Variants in LMTK2 observed in about 807,000 individuals in gnomAD.
The protein encoded by LMTK2 is serine/threonine-protein kinase LMTK2.
In LMTK2, 37 loss-of-function variants were observed where a neutral mutation model predicts 127.5. The ratio of observed to expected loss-of-function variants is 0.29; its 90% confidence interval spans 0.22 to 0.38. LMTK2 has a LOEUF of 0.38. Among genes scored for constraint, LMTK2 ranks in the 10% least tolerant of loss-of-function variants. The probability of loss-of-function intolerance (pLI) is 1.00; values close to 1 mark genes in which losing one functional copy is unlikely to be tolerated. For missense variants in LMTK2, 1,694 were observed against 1,920.3 expected (o/e 0.88, Z 2.20); for synonymous variants, 819 against 810.1 (o/e 1.01, Z -0.19).
chr7:98,136,674 A>G (rs974008244), intron 1 of LMTK2, among the ~76,000 whole-genome samples: 7 of 152,240 alleles, frequency 4.6e-5, no homozygotes, highest in African/African-American at 1.4e-4. Context: ...CTCACCAGGC[A>G]TAGGTCATGC....
At position 98,192,054 on chromosome 7, in the gene LMTK2, C is replaced by T; in HGVS notation, c.1589C>T (p.Pro530Leu). The T allele has an allele frequency of 6.3e-7, 1 of 1,597,586 alleles. No individual in the cohort carries two copies. The highest frequency in any genetic ancestry group is 8.5e-7 in the Non-Finnish European group (1 of 1,169,814). ...CAAGATGACAGCGGCCAGGATGTCC[C>T]CCTGAGGGTCCCTGGAGTGGTTCCT... is the stretch of plus-strand genomic sequence containing the variant. ...GKQDDSGQDVPLRVPGVVPVF... is the reference protein window; with the variant it reads ...GKQDDSGQDVLLRVPGVVPVF... The change falls in exon 11 of 14, where the codon CCC becomes CTC. Residue 530 changes from proline to leucine, a missense_variant. Physicochemically the swap from Pro to Leu is moderately conservative, Grantham distance 98. Transcript: ENST00000297293.
intron 11 of LMTK2, among the ~76,000 whole-genome samples, chr7:98,198,805 T>C (rs530682315): frequency 1.8e-4 from 28 of 152,338 alleles, no homozygotes; most frequent in Admixed American, 3.9e-4. Context: ...AATTTAATGC[T>C]ATAAATTTCC....
chr7:98,107,476 T>C lies in LMTK2; in HGVS notation c.103+196T>C, dbSNP rs1265601349. ...GGGGGCGGGAGCGAGGCGACGTCGT[T>C]GGGGCTGGGGAGGGCGGCGGGCGAG... is the stretch of plus-strand genomic sequence containing the variant. On this transcript the variant is annotated intron_variant, in intron 1 of 13. Coordinates refer to ENST00000297293, the MANE Select transcript of LMTK2 (RefSeq NM_014916.4). Among the ~76,000 whole-genome samples the C allele has an allele frequency of 3.9e-4, 4 of 10,384 alleles. No homozygotes were observed. The East Asian group carries it at 6.6e-3, about 17-fold the overall frequency. 6.8% of individuals were successfully genotyped at this position (10,384 alleles called of 152,430 possible).
chr7:98,154,732 C>A, intron 4 of LMTK2, 26 bp from the exon 5 acceptor site: 2 of 1,425,122 alleles, frequency 1.4e-6, no homozygotes, highest in Non-Finnish European at 2.0e-6. Context: ...ATGGAAATGA[C>A]ACAAAAAACT....
intron 3 of LMTK2, among the ~76,000 whole-genome samples, chr7:98,146,046 T>G (rs75871606): frequency 0.012 from 1,849 of 152,304 alleles, 42 homozygotes; most frequent in African/African-American, 0.042. Context: ...TTGTCTCACT[T>G]AACAGTGTTT....
rs777230084 is a variant in LMTK2 at position 98,194,544 on chromosome 7, A to G, written c.4079A>G (p.Asp1360Gly). Residue 1360 changes from aspartate to glycine, a missense_variant, in exon 11 of 14, where the codon GAT becomes GGT. This residue lies in a region of LMTK2 where 554 missense variants were observed against 567.7 expected (regional missense o/e 0.98). Transcript: ENST00000297293. The surrounding 1 kb of genome is among the most constrained non-coding windows in gnomAD (Gnocchi z 5.4). ...KKEKKAVTFF[D>G]DVTVYLFDQE... The stretch of plus-strand genomic sequence containing the variant: ...GAAAAGAAGGCAGTCACGTTTTTCG[A>G]TGATGTCACAGTCTACCTGTTTGAC... 1.6e-5 allele frequency: 25 copies of G among 1,608,300 alleles called. No individual in the cohort carries two copies. The highest frequency in any genetic ancestry group is 2.0e-5 in the Non-Finnish European group (24 of 1,179,928).
In LMTK2 at chr7:98,193,844, G is replaced by T. The variant is rs139774751; in HGVS notation, c.3379G>T (p.Ala1127Ser). 6 of 1,613,976 alleles carry T rather than the reference G, an allele frequency of 3.7e-6. No homozygotes were observed. The highest frequency in any genetic ancestry group is 1.3e-5 in the African/African-American group (1 of 74,968). Residue 1127 changes from alanine to serine, a missense_variant, in exon 11 of 14, where the codon GCC (alanine) becomes TCC (serine). Ala to Ser is a moderately conservative substitution (Grantham distance 99). Transcript: ENST00000297293. This position sits in a 1 kb window ranked among gnomAD's most constrained non-coding sequence, Gnocchi z 4.1. ...SEEVPGTSPS[A>S]LVLVQEQPLP... ...GGAGGTCCCGGGAACCTCCCCATCCGCCTTGGTGTTGGTACAGGAGCAGCC... is the reference window on the plus strand; with the variant it reads ...GGAGGTCCCGGGAACCTCCCCATCCTCCTTGGTGTTGGTACAGGAGCAGCC...
chr7:98,118,020 C>T (rs1166977360), intron 1 of LMTK2, among the ~76,000 whole-genome samples: 2 of 152,060 alleles, frequency 1.3e-5, no homozygotes, highest in Non-Finnish European at 2.9e-5. Context: ...TTGCTCATTG[C>T]TTCTGGGCAT....
chr7:98,138,688 C>T (rs1003698753), intron 2 of LMTK2, among the ~76,000 whole-genome samples: 17 of 152,150 alleles, frequency 1.1e-4, no homozygotes, highest in Non-Finnish European at 1.9e-4. Flanking sequence ...TACACAGAAA[C>T]CTGGCCATTT....
chr7:98,202,307 T>A (rs1797715628), intron 11 of LMTK2, among the ~76,000 whole-genome samples: 1 of 152,224 alleles, frequency 6.6e-6, no homozygotes, highest in Non-Finnish European at 1.5e-5. Context: ...GTTCCTTTGC[T>A]AAGATTTTCC....
chr7:98,174,103 GT>G (rs372203682), intron 7 of LMTK2, among the ~76,000 whole-genome samples: 26,577 of 88,116 alleles, frequency 0.3, 2,554 homozygotes, highest in South Asian at 0.41. Context: ...TCATTTTGTT[GT>G]AAAAAAAAAA....
chr7:98,193,966 T>G lies in LMTK2; in HGVS notation c.3501T>G (p.Ala1167=). ...AGCCAGATGAAAGTTGTCTGTCTGC[T>G]TTGCACAACTCCAGTGACCTGGAAT... ...KSQPDESCLS[A]LHNSSDLELR... Residue 1167 remains alanine (A), a synonymous_variant, in exon 11 of 14, where the codon GCT becomes GCG. Coordinates refer to ENST00000297293, the MANE Select transcript of LMTK2 (RefSeq NM_014916.4). This position sits in a 1 kb window ranked among gnomAD's most constrained non-coding sequence, Gnocchi z 4.1. 6.2e-7 allele frequency: 1 copy of G among 1,614,062 alleles called. No homozygotes were observed. Among genetic ancestry groups the G allele is most frequent in the Non-Finnish European group, 8.5e-7 (1 of 1,180,040 alleles).
At chr7:98,168,692 G>A (rs899504331) in intron 6 of LMTK2, among the ~76,000 whole-genome samples, 3 of 152,176 alleles carry the variant, frequency 2.0e-5, no homozygotes, top group African/African-American at 7.2e-5. Context: ...GCATTGAGGA[G>A]CGGGCTTGCG....
At position 98,125,970 on chromosome 7, in the gene LMTK2, G is replaced by A. The variant is rs550117124; in HGVS notation, c.104-11345G>A. ...TAGTAGCACCGGGTACTTCCTCTCTGAAGAGAGAACTTGGAAGGACACATT... is the reference window on the plus strand; with the variant it reads ...TAGTAGCACCGGGTACTTCCTCTCTAAAGAGAGAACTTGGAAGGACACATT... On this transcript the variant is annotated intron_variant, in intron 1 of 13. Coordinates refer to ENST00000297293, the MANE Select transcript of LMTK2 (RefSeq NM_014916.4). Among the ~76,000 whole-genome samples the A allele has an allele frequency of 4.6e-5, 7 of 152,286 alleles. No individual in the cohort carries two copies. In the South Asian group the frequency reaches 1.5e-3, roughly 32 times the overall value.
rs114323963 is a variant in LMTK2 at position 98,188,008 on chromosome 7, C to T, written c.998+1010C>T. ...TTTTCTTTTTGTTTTTGGGAACATT[C>T]AAAAGCCGCTCTTAGAGCTGTTTGA... On this transcript the variant is annotated intron_variant, in intron 9 of 13. Transcript: ENST00000297293. Among the ~76,000 whole-genome samples the T allele has an allele frequency of 1.8e-3, 277 of 152,242 alleles. 2 individuals are homozygous for T. Among genetic ancestry groups the T allele is most frequent in the African/African-American group, 6.5e-3 (271 of 41,566 alleles).
chr7:98,191,888 G>C lies in LMTK2; in HGVS notation c.1423G>C (p.Glu475Gln). The C allele has an allele frequency of 6.2e-7, 1 of 1,614,148 alleles. No homozygotes were observed. Among genetic ancestry groups the C allele is most frequent in the Non-Finnish European group, 8.5e-7 (1 of 1,180,032 alleles). ...VTETSQGLSF[E>Q]YVWEAAKHDH... ...CGAAACCAGCCAGGGCCTGAGCTTC[G>C]AGTATGTCTGGGAGGCCGCTAAGCA... Residue 475 changes from glutamate (E) to glutamine (Q), a missense_variant, in exon 11 of 14, where the codon GAG becomes CAG. Transcript: ENST00000297293.
intron 5 of LMTK2, among the ~76,000 whole-genome samples, chr7:98,156,568 G>A (rs1259356899): frequency 6.6e-6 from 1 of 152,086 alleles, no homozygotes; most frequent in Non-Finnish European, 1.5e-5. Context: ...AATGTAAAAT[G>A]ATAGAGCCAC....
chr7:98,111,738 A>C (rs755672916), intron 1 of LMTK2, among the ~76,000 whole-genome samples: 1 of 152,258 alleles, frequency 6.6e-6, no homozygotes, highest in Non-Finnish European at 1.5e-5. Context: ...GCATCAAAGC[A>C]GGAGCTCAAA....
At chr7:98,121,893 T>C (rs987725595) in intron 1 of LMTK2, among the ~76,000 whole-genome samples, 1 of 151,872 alleles carries the variant, frequency 6.6e-6, no homozygotes, top group African/African-American at 2.4e-5. Flanking sequence ...TGGTTACAGC[T>C]ACTCAAGAGG....
Sources: gnomAD v4.1 joint callset for allele counts (sites outside exome capture counted in the v4.1 genomes callset) on GRCh38, gnomAD v4.1.1 for gene constraint, gnomAD v4.1.1 regional missense constraint, Gnocchi (gnomAD v3.1) non-coding constraint, MANE v1.5 for transcripts, NCBI Gene and HGNC (gene_info 2026-07-23, HGNC 2026-07-21) for gene names.